Variants in MARCHF1 observed in about 807,000 individuals in gnomAD.
MARCHF1 encodes membrane associated ring-CH-type finger 1.
In MARCHF1, 40 loss-of-function variants were observed where a neutral mutation model predicts 54.2. The observed-to-expected ratio is 0.74, with a 90% CI of 0.57 to 0.96. MARCHF1 has a LOEUF of 0.96. Among genes scored for constraint, MARCHF1 ranks in the 40% least tolerant of loss-of-function variants. MARCHF1 has a pLI of 0.00. For missense variants in MARCHF1, 586 were observed against 656.5 expected (o/e 0.89, Z 1.17); for synonymous variants, 236 against 236.3 (o/e 1.00, Z 0.01).
chr4:164,252,415 C>T (rs959842055), intron 1 of MARCHF1, among the ~76,000 whole-genome samples: 3 of 152,090 alleles, frequency 2.0e-5, no homozygotes, highest in Non-Finnish European at 4.4e-5. Context: ...AGAGAAGACA[C>T]ACAGAAAGCT....
intron 2 of MARCHF1, among the ~76,000 whole-genome samples, chr4:164,102,573 T>C (rs879615184): frequency 9.3e-5 from 14 of 150,468 alleles, no homozygotes; most frequent in Non-Finnish European, 1.6e-4. Flanking sequence ...CTGAGAGATT[T>C]TGTCACCACC....
intron 3 of MARCHF1, among the ~76,000 whole-genome samples, chr4:163,984,454 T>C (rs1474201509): frequency 2.0e-5 from 3 of 152,182 alleles, no homozygotes; most frequent in Non-Finnish European, 2.9e-5. Context: ...ATCTAAGGTA[T>C]AGACTCAGTG....
chr4:164,128,820 C>T (rs914575878), intron 1 of MARCHF1, among the ~76,000 whole-genome samples: 1 of 152,136 alleles, frequency 6.6e-6, no homozygotes, highest in Non-Finnish European at 1.5e-5. Context: ...TTCTACTGGG[C>T]ACCAAAAGCC....
intron 1 of MARCHF1, among the ~76,000 whole-genome samples, chr4:164,191,490 T>C (rs1731122062): frequency 1.3e-5 from 2 of 152,218 alleles, no homozygotes; most frequent in Non-Finnish European, 2.9e-5. Context: ...ATCTTTGCAA[T>C]TGTCTCTACA....
chr4:164,084,019 G>C (rs1377367915), intron 2 of MARCHF1, among the ~76,000 whole-genome samples: 1 of 151,850 alleles, frequency 6.6e-6, no homozygotes, highest in African/African-American at 2.4e-5. Context: ...TTAGTGGTAA[G>C]GTCCCTAAAA....
At chr4:164,275,030 GAAAC>G (rs1361120049) in intron 1 of MARCHF1, among the ~76,000 whole-genome samples, 7 of 151,176 alleles carry the variant, frequency 4.6e-5, no homozygotes, top group Non-Finnish European at 1.0e-4. Context: ...AATATAATAA[GAAAC>G]AAGGCTAATT....
chr4:163,929,770 T>C (rs909161615), intron 3 of MARCHF1, among the ~76,000 whole-genome samples: 3 of 150,696 alleles, frequency 2.0e-5, no homozygotes, highest in African/African-American at 4.9e-5. Flanking sequence ...CCACATGACA[T>C]TTTTTGCAGG....
intron 2 of MARCHF1, among the ~76,000 whole-genome samples, chr4:163,995,934 G>A (rs749569021): frequency 5.3e-5 from 8 of 151,880 alleles, no homozygotes; most frequent in Non-Finnish European, 8.8e-5. Context: ...AATCTAATAA[G>A]TACATTTATT....
intron 5 of MARCHF1, among the ~76,000 whole-genome samples, chr4:163,699,680 G>T (rs1419907749): frequency 6.6e-6 from 1 of 152,096 alleles, no homozygotes; most frequent in Non-Finnish European, 1.5e-5. Flanking sequence ...AGGGGTCCTG[G>T]CAATTGAGAA....
intron 9 of MARCHF1, among the ~76,000 whole-genome samples, chr4:163,543,198 GGT>G (rs1738777531): frequency 1.3e-5 from 2 of 152,092 alleles, no homozygotes; most frequent in Non-Finnish European, 2.9e-5. Context: ...GCATGGGTTG[GGT>G]TGAAGTTGGC....
intron 3 of MARCHF1, among the ~76,000 whole-genome samples, chr4:163,885,331 A>T (rs1034566761): frequency 6.6e-6 from 1 of 152,178 alleles, no homozygotes; most frequent in Non-Finnish European, 1.5e-5. Context: ...AGTTTAATAA[A>T]TTAACCCTGT....
intron 2 of MARCHF1, among the ~76,000 whole-genome samples, chr4:164,006,661 T>C (rs1399566639): frequency 6.6e-6 from 1 of 152,006 alleles, no homozygotes; most frequent in Non-Finnish European, 1.5e-5. Flanking sequence ...CCAAAAAGAC[T>C]ACCCCAAGGT....
chr4:163,664,672 A>C (rs1579173264), intron 5 of MARCHF1, among the ~76,000 whole-genome samples: 1 of 152,082 alleles, frequency 6.6e-6, no homozygotes, highest in Non-Finnish European at 1.5e-5. Context: ...TCTAGTGGAC[A>C]CATTATATAT....
At chr4:164,156,694 G>A (rs1730086170) in intron 1 of MARCHF1, among the ~76,000 whole-genome samples, 2 of 152,112 alleles carry the variant, frequency 1.3e-5, no homozygotes, top group South Asian at 4.1e-4. Context: ...CTCCCAAAGT[G>A]CTGGGATTAC....
intron 1 of MARCHF1, among the ~76,000 whole-genome samples, chr4:164,372,749 C>A (rs1731072271): frequency 6.6e-6 from 1 of 151,596 alleles, no homozygotes; most frequent in African/African-American, 2.4e-5. Flanking sequence ...TTTATATTAC[C>A]ATTATTAAAG....
intron 1 of MARCHF1, among the ~76,000 whole-genome samples, chr4:164,303,307 A>T (rs1347100793): frequency 6.6e-6 from 1 of 152,232 alleles, no homozygotes; most frequent in Non-Finnish European, 1.5e-5. Flanking sequence ...AATAAAGGCA[A>T]GAAAATTGAT....
chr4:163,588,027 C>T (rs1327093736), intron 7 of MARCHF1, among the ~76,000 whole-genome samples: 1 of 151,860 alleles, frequency 6.6e-6, no homozygotes, highest in South Asian at 2.1e-4. Context: ...TTGCCAGAGA[C>T]CTCAAAGTAA....
chr4:163,822,478 C>T (rs920017728), intron 4 of MARCHF1, among the ~76,000 whole-genome samples: 2 of 151,798 alleles, frequency 1.3e-5, no homozygotes, highest in Non-Finnish European at 2.9e-5. Context: ...GTGACTCCTT[C>T]CTCTGGAAAA....
chr4:163,717,606 CCCA>C (rs1184779776), intron 4 of MARCHF1, among the ~76,000 whole-genome samples: 1 of 152,164 alleles, frequency 6.6e-6, no homozygotes, highest in Non-Finnish European at 1.5e-5. Context: ...AGTTTACAGT[CCCA>C]CCAACAGTGT....
Sources: allele counts gnomAD v4.1 joint callset (sites outside exome capture counted in the v4.1 genomes callset), GRCh38; gene constraint gnomAD v4.1.1; transcripts MANE v1.5; gene names NCBI Gene and HGNC (gene_info 2026-07-23, HGNC 2026-07-21).